Variants in EBF2 observed in about 807,000 individuals in gnomAD.
The protein encoded by EBF2 is transcription factor COE2.
A neutral mutation model predicts 72.8 loss-of-function variants in EBF2; 21 were observed. The ratio of observed to expected loss-of-function variants is 0.29; its 90% confidence interval spans 0.20 to 0.42. The LOEUF is 0.42. Among genes scored for constraint, EBF2 ranks in the 10% least tolerant of loss-of-function variants. EBF2 has a pLI of 1.00. For synonymous variants in EBF2, 299 were observed against 274.2 expected (o/e 1.09, Z -0.89); for missense variants, 637 against 731.2 (o/e 0.87, Z 1.49).
intron 8 of EBF2, 68 bp from the exon 9 acceptor site, chr8:25,888,040 G>A: frequency 6.6e-7 from 1 of 1,503,778 alleles, no homozygotes; most frequent in Non-Finnish European, 8.9e-7. Context: ...GGCTTCCCAG[G>A]CCCACATTGG....
chr8:25,883,125 C>G (rs1802630303), intron 10 of EBF2, among the ~76,000 whole-genome samples: 1 of 152,180 alleles, frequency 6.6e-6, no homozygotes, highest in Non-Finnish European at 1.5e-5. Flanking sequence ...TTCATATTCC[C>G]TTAATCTCTA....
intron 6 of EBF2, among the ~76,000 whole-genome samples, chr8:25,968,805 G>A (rs1043800401): frequency 1.3e-5 from 2 of 152,102 alleles, no homozygotes; most frequent in Admixed American, 6.6e-5. Flanking sequence ...TGATATGCCC[G>A]CCTAGGCCTC....
In EBF2 at chr8:25,853,289, A is replaced by ACACT. The variant is rs554238915; in HGVS notation, c.1529-2529_1529-2528insAGTG. ...TGACAGATTAAGAAAAATATTTGTAATACTTATTTAGATATGTTCATATCC... is the reference window on the plus strand; with the variant it reads ...TGACAGATTAAGAAAAATATTTGTAACACTTACTTATTTAGATATGTTCATATCC... On this transcript the variant is annotated intron_variant, in intron 14 of 15. Coordinates refer to ENST00000520164, the MANE Select transcript of EBF2 (RefSeq NM_022659.4). Among the ~76,000 whole-genome samples, 745 of 152,276 alleles carry ACACT rather than the reference A, an allele frequency of 4.9e-3. 8 individuals carry two copies. Among genetic ancestry groups the ACACT allele is most frequent in the African/African-American group, 0.016 (685 of 41,562 alleles).
chr8:26,025,851 T>A (rs1805295646), intron 6 of EBF2, among the ~76,000 whole-genome samples: 2 of 151,562 alleles, frequency 1.3e-5, no homozygotes, highest in Admixed American at 6.6e-5. Context: ...ATCTAAACCC[T>A]CCCTGAGAGA....
intron 6 of EBF2, among the ~76,000 whole-genome samples, chr8:25,947,833 T>C (rs1338817186): frequency 2.0e-5 from 3 of 152,240 alleles, no homozygotes; most frequent in Non-Finnish European, 4.4e-5. Context: ...AGGATTCTAC[T>C]TTTTGCCCAG....
At chr8:26,037,750 C>T (rs1001850893) in intron 5 of EBF2, among the ~76,000 whole-genome samples, 1 of 152,182 alleles carries the variant, frequency 6.6e-6, no homozygotes, top group Non-Finnish European at 1.5e-5. Flanking sequence ...TAGATTTCTC[C>T]TTGCTAATAA....
chr8:26,010,284 G>C (rs1481558551), intron 6 of EBF2, among the ~76,000 whole-genome samples: 1 of 152,148 alleles, frequency 6.6e-6, no homozygotes, highest in African/African-American at 2.4e-5. Context: ...TCTGAAATCT[G>C]AGCTAAAGAC....
At chr8:25,921,114 T>C (rs1803300780) in intron 6 of EBF2, among the ~76,000 whole-genome samples, 1 of 152,098 alleles carries the variant, frequency 6.6e-6, no homozygotes, top group African/African-American at 2.4e-5. Flanking sequence ...GGCTAACAGG[T>C]AGCAGTTGGT....
chr8:25,979,251 G>A (rs963622073), intron 6 of EBF2, among the ~76,000 whole-genome samples: 1 of 152,216 alleles, frequency 6.6e-6, no homozygotes, highest in Non-Finnish European at 1.5e-5. Context: ...GGCTGCCAGG[G>A]GTATGTGGAG....
At chr8:25,874,774 C>A (rs1185524677) in intron 10 of EBF2, among the ~76,000 whole-genome samples, 1 of 151,906 alleles carries the variant, frequency 6.6e-6, no homozygotes, top group African/African-American at 2.4e-5. Flanking sequence ...CAGCCTCGAT[C>A]TCCTGGGCTC....
intron 6 of EBF2, among the ~76,000 whole-genome samples, chr8:25,943,053 G>C (rs1803704402): frequency 6.6e-6 from 1 of 152,138 alleles, no homozygotes; most frequent in Non-Finnish European, 1.5e-5. Context: ...CTTCAAGCCT[G>C]AGCACATTGT....
chr8:25,925,549 C>T (rs947061972), intron 6 of EBF2, among the ~76,000 whole-genome samples: 1 of 152,210 alleles, frequency 6.6e-6, no homozygotes, highest in African/African-American at 2.4e-5. Flanking sequence ...AACCCACCAT[C>T]ACATTACTTC....
chr8:25,887,990 A>C lies in EBF2; in HGVS notation c.752-18T>G. Reference sequence around the variant, plus strand: ...GGGGGTAGCTAAGAAGACAGGAAAGAAAAAGTCAGGTTTGTTCTTTCATGG... The same window carrying C: ...GGGGGTAGCTAAGAAGACAGGAAAGCAAAAGTCAGGTTTGTTCTTTCATGG... On this transcript the variant is annotated intron_variant, in intron 8 of 15. Transcript: ENST00000520164. The C allele has an allele frequency of 6.3e-7, 1 of 1,594,918 alleles. No homozygotes were observed. Among genetic ancestry groups the C allele is most frequent in the Non-Finnish European group, 8.5e-7 (1 of 1,171,704 alleles).
intron 10 of EBF2, among the ~76,000 whole-genome samples, chr8:25,866,635 A>AT (rs869254548): frequency 5.3e-4 from 41 of 77,118 alleles, no homozygotes; most frequent in East Asian, 2.3e-3. Flanking sequence ...ATATATATAT[A>AT]TTTTTTTTTT....
intron 6 of EBF2, among the ~76,000 whole-genome samples, chr8:26,001,974 C>A (rs537453446): frequency 6.6e-6 from 1 of 152,280 alleles, no homozygotes; most frequent in East Asian, 1.9e-4. Context: ...TAAAAAGGAA[C>A]TGAAATGCAT....
chr8:25,977,787 A>C (rs146460266), intron 6 of EBF2, among the ~76,000 whole-genome samples: 1 of 152,294 alleles, frequency 6.6e-6, no homozygotes, highest in East Asian at 1.9e-4. Flanking sequence ...TCAAAGACAC[A>C]TTTTCCTGGC....
chr8:25,920,949 G>C (rs895733248), intron 6 of EBF2, among the ~76,000 whole-genome samples: 1 of 152,032 alleles, frequency 6.6e-6, no homozygotes, highest in Non-Finnish European at 1.5e-5. Flanking sequence ...TGGGAAGAAG[G>C]GATGACTGAA....
At chr8:25,976,607 T>G (rs751123947) in intron 6 of EBF2, among the ~76,000 whole-genome samples, 3 of 151,998 alleles carry the variant, frequency 2.0e-5, no homozygotes, top group Middle Eastern at 3.4e-3. Flanking sequence ...TCATGCCTTT[T>G]GTATTCTAAA....
intron 6 of EBF2, among the ~76,000 whole-genome samples, chr8:26,029,822 G>A (rs770982219): frequency 6.6e-6 from 1 of 152,186 alleles, no homozygotes; most frequent in Non-Finnish European, 1.5e-5. Flanking sequence ...GCAGATGGAC[G>A]CAGAGACCAG....
Sources: gnomAD v4.1 joint callset for allele counts (sites outside exome capture counted in the v4.1 genomes callset) on GRCh38, gnomAD v4.1.1 for gene constraint, MANE v1.5 for transcripts, NCBI Gene and HGNC (gene_info 2026-07-23, HGNC 2026-07-21) for gene names.